GPR155: variants seen among roughly 807,000 people sequenced by gnomAD.
GPR155 encodes the protein G protein-coupled receptor 155, also known as lysosomal cholesterol signaling protein.
GPR155 carries 65 observed loss-of-function variants against 93.1 expected under a neutral mutation model. That is an observed-to-expected ratio of 0.70 (90% CI 0.57 to 0.86). The LOEUF (loss-of-function observed/expected upper bound fraction) is 0.86, where lower values mean the gene tolerates loss of function less well. Ranked by LOEUF, GPR155 falls within the 40% of genes least tolerant of loss-of-function variation. GPR155 has a pLI of 0.00. For missense variants in GPR155, 838 were observed against 1,034.8 expected, an observed-to-expected ratio of 0.81 and a Z score of 2.61; for synonymous variants, 319 against 360.1, an observed-to-expected ratio of 0.89 and a Z score of 1.29.
rs1470285879 is a variant in GPR155, at chr2:174,434,019, G to C, written c.*2097C>G. 6.7e-6 allele frequency: 1 copy of C among 150,006 alleles called. No individual in the cohort carries two copies. The highest frequency in any genetic ancestry group is 1.5e-5 in the Non-Finnish European group (1 of 67,742). The allele number at this position is 150,006 out of a possible 1,614,324, so 9.3% of individuals were successfully genotyped here. A position where few individuals can be genotyped will look rare whatever the true frequency, so the allele number is the denominator to read the frequency against. ...TCTGACACTCAGGCTGGAGTGCAGT[G>C]GCACGATCTCAGCTCACTGCAACCT... On this transcript the variant is annotated 3_prime_UTR_variant, in exon 16 of 16. Coordinates refer to ENST00000392552, the MANE Select transcript of GPR155 (RefSeq NM_152529.7).
chr2:174,445,223 A>G (rs778372114), intron 12 of GPR155, 47 bp from the exon 13 acceptor site: 2 of 917,292 alleles, frequency 2.2e-6, no homozygotes, highest in African/African-American at 3.3e-5. Flanking sequence ...GCAAGCTGAT[A>G]ATTCCTCTCC....
rs1198592795 is a variant in GPR155 at position 174,432,876 on chromosome 2, G to C, written c.*3240C>G. 6.8e-6 allele frequency: 1 copy of C among 147,606 alleles called. No homozygotes were observed. The highest frequency in any genetic ancestry group is 1.5e-5 in the Non-Finnish European group (1 of 67,628). 9.1% of individuals were successfully genotyped at this position (147,606 alleles called of 1,614,324 possible). On this transcript the variant is annotated 3_prime_UTR_variant, in exon 16 of 16. Coordinates refer to ENST00000392552, the MANE Select transcript of GPR155 (RefSeq NM_152529.7). ...CCTTCCGGGTTCATGCCATTCTCCT[G>C]CCTCAGCCTCCCGAGTAGCTGGGAC... is the stretch of plus-strand genomic sequence containing the variant.
rs34739011 is a variant in GPR155 at position 174,432,762 on chromosome 2, G to GTTTTT, written c.*3349_*3353dup. ...ATAAATATACTAGGCTTCCATGCAGGTTTTTTTTTTTTTTTTTTTGCGATG... is the reference window on the plus strand; with the variant it reads ...ATAAATATACTAGGCTTCCATGCAGGTTTTTTTTTTTTTTTTTTTTTTTTGCGATG... On this transcript the variant is annotated 3_prime_UTR_variant, in exon 16 of 16. Coordinates refer to ENST00000392552, the MANE Select transcript of GPR155 (RefSeq NM_152529.7). 6.3e-5 allele frequency: 7 copies of GTTTTT among 111,286 alleles called. No individual in the cohort carries two copies. Among genetic ancestry groups the GTTTTT allele is most frequent in the South Asian group, 3.0e-4 (1 of 3,294 alleles). 6.9% of individuals were successfully genotyped at this position (111,286 alleles called of 1,614,324 possible). A position where few individuals can be genotyped will look rare whatever the true frequency, so the allele number is the denominator to read the frequency against.
chr2:174,460,866 CA>C (rs1687671519), intron 9 of GPR155, among the ~76,000 whole-genome samples: 1 of 151,988 alleles, frequency 6.6e-6, no homozygotes, highest in South Asian at 2.1e-4. Context: ...TTTATTCTCA[CA>C]AAAACACAAT....
At chr2:174,454,832 GAAA>G (rs1559105873) in intron 10 of GPR155, among the ~76,000 whole-genome samples, 240 of 58,780 alleles carry the variant, frequency 4.1e-3, no homozygotes, top group African/African-American at 7.6e-3. Context: ...GGAAGGAAAA[GAAA>G]GGAAGGAAAA....
intron 10 of GPR155, among the ~76,000 whole-genome samples, chr2:174,458,603 G>C (rs1268524742): frequency 6.6e-6 from 1 of 151,976 alleles, no homozygotes; most frequent in East Asian, 1.9e-4. Flanking sequence ...AATACCTACT[G>C]CCTTAGTATA....
At chr2:174,475,020 G>T (rs1688105807) in intron 2 of GPR155, among the ~76,000 whole-genome samples, 1 of 152,082 alleles carries the variant, frequency 6.6e-6, no homozygotes, top group African/African-American at 2.4e-5. Flanking sequence ...TCTCGGCCGG[G>T]CGCGGTGGCT....
At chr2:174,449,804 C>T (rs1026357146) in intron 11 of GPR155, among the ~76,000 whole-genome samples, 4 of 152,114 alleles carry the variant, frequency 2.6e-5, no homozygotes, top group Non-Finnish European at 5.9e-5. Context: ...GGTGAAATCC[C>T]GTCTCTACTA....
chr2:174,440,156 A>G (rs1339774777), intron 14 of GPR155, 121 bp from the exon 15 acceptor site: 3 of 708,364 alleles, frequency 4.2e-6, no homozygotes, highest in East Asian at 2.7e-5. Context: ...GCTGTCATCT[A>G]CAATACCCAG....
intron 3 of GPR155, among the ~76,000 whole-genome samples, chr2:174,471,008 C>A (rs976454344): frequency 1.3e-5 from 2 of 148,802 alleles, no homozygotes; most frequent in Admixed American, 6.7e-5. Flanking sequence ...GACAGAAACT[C>A]CTGTTTTGAA....
At chr2:174,465,000 G>A (rs1013043096) in intron 7 of GPR155, among the ~76,000 whole-genome samples, 2 of 152,060 alleles carry the variant, frequency 1.3e-5, no homozygotes, top group East Asian at 3.9e-4. Context: ...CATTTTATAG[G>A]TTCAAATTTG....
chr2:174,446,064 T>C (rs1687112226), intron 12 of GPR155, among the ~76,000 whole-genome samples: 2 of 151,954 alleles, frequency 1.3e-5, no homozygotes, highest in Admixed American at 1.3e-4. Context: ...TCCAGCACTT[T>C]GGGAGGCTAA....
intron 5 of GPR155, 107 bp from the exon 6 acceptor site, chr2:174,466,734 CG>C (rs1559112756): frequency 6.5e-6 from 4 of 615,946 alleles, no homozygotes; most frequent in Non-Finnish European, 1.1e-5. Context: ...TGTCCTGGTT[CG>C]GAAAGAATTT....
intron 12 of GPR155, chr2:174,445,484 T>G (rs138422756): frequency 4.2e-4 from 80 of 192,632 alleles, no homozygotes; most frequent in African/African-American, 1.7e-3. Context: ...GATTTTAAAT[T>G]TAGTTCTACA....
intron 13 of GPR155, among the ~76,000 whole-genome samples, chr2:174,443,219 CT>C (rs1687018251): frequency 6.6e-6 from 1 of 152,236 alleles, no homozygotes; most frequent in African/African-American, 2.4e-5. Context: ...TCATTTGTCT[CT>C]GTGGGCATAG....
At chr2:174,455,814 T>C (rs1489763174) in intron 10 of GPR155, among the ~76,000 whole-genome samples, 1 of 152,206 alleles carries the variant, frequency 6.6e-6, no homozygotes, top group East Asian at 1.9e-4. Context: ...ACAAGTGCTG[T>C]CCACGTATTC....
Position 174,442,198 on chromosome 2 carries a change from A to G in GPR155, c.2110-15T>C. On this transcript the variant is annotated splice_polypyrimidine_tract_variant and intron_variant, in intron 13 of 15. Transcript: ENST00000392552. The stretch of plus-strand genomic sequence containing the variant: ...GAAATAAATCCCTAGGGAAGAAAAC[A>G]AAGTTATTTTTTTCAGAATTCAACA... 8.0e-7 allele frequency: 1 copy of G among 1,248,572 alleles called. No individual in the cohort carries two copies. Among genetic ancestry groups the G allele is most frequent in the Non-Finnish European group, 1.2e-6 (1 of 851,810 alleles). 77.3% of individuals were successfully genotyped at this position (1,248,572 alleles called of 1,614,324 possible). A position where few individuals can be genotyped will look rare whatever the true frequency, so the allele number is the denominator to read the frequency against.
chr2:174,465,734 A>ATGGGG, intron 7 of GPR155, 51 bp downstream of exon 7: 1 of 872,780 alleles, frequency 1.1e-6, no homozygotes. Flanking sequence ...GCTATTAGGA[A>ATGGGG]TGGGGTGGGG....
chr2:174,476,303 A>C (rs1027730029), intron 2 of GPR155, among the ~76,000 whole-genome samples: 1 of 152,204 alleles, frequency 6.6e-6, no homozygotes, highest in Non-Finnish European at 1.5e-5. Flanking sequence ...GCCCACAGAA[A>C]CAGCTACAAA....
Sources: gnomAD v4.1 joint callset for allele counts (sites outside exome capture counted in the v4.1 genomes callset) on GRCh38, gnomAD v4.1.1 for gene constraint, MANE v1.5 for transcripts, NCBI Gene and HGNC (gene_info 2026-07-23, HGNC 2026-07-21) for gene names.